Variants in ZNF888 observed in about 807,000 individuals in gnomAD.
ZNF888 encodes zinc finger protein 888.
In ZNF888, 5 loss-of-function variants were observed where a neutral mutation model predicts 7.2. That is an observed-to-expected ratio of 0.70 (90% CI 0.36 to 1.46). The LOEUF (loss-of-function observed/expected upper bound fraction) is 1.46. Ranked by LOEUF, ZNF888 falls within the 40% of genes most tolerant of loss-of-function variation. ZNF888 has a pLI of 0.03. For synonymous variants in ZNF888, 240 were observed against 284.3 expected (o/e 0.84, Z 1.57); for missense variants, 716 against 858.0 (o/e 0.83, Z 2.07).
At position 52,908,113 on chromosome 19, in the gene ZNF888, G is replaced by C; in HGVS notation, c.209C>G (p.Thr70Arg). Residue 70 changes from threonine (T) to arginine (R), a missense_variant, in exon 5 of 5, where the codon ACA (threonine) becomes AGA (arginine). Physicochemically the swap from Thr to Arg is moderately conservative, Grantham distance 71 (BLOSUM62 -1). Around this residue, in one of 2 missense-constraint regions of ZNF888, gnomAD observed 697 missense variants for 803.4 expected, o/e 0.87. Transcript: ENST00000638862. ...IGKGNTEVIH[T>R]GTLQRLASHH... is the part of the protein sequence containing the mutation. ...ACTTGCCAGTCTTTGCAATGTCCCT[G>C]TGTGGATCACTTCTGTATTGCCTTT... The C allele has an allele frequency of 1.2e-6, 2 of 1,614,144 alleles. No individual in the cohort carries two copies. The highest frequency in any genetic ancestry group is 1.7e-6 in the Non-Finnish European group (2 of 1,180,034).
Position 52,915,187 on chromosome 19 carries a change from T to C in ZNF888, c.142+9A>G, listed in dbSNP as rs751311782. On this transcript the variant is annotated intron_variant, in intron 4 of 4. Coordinates refer to ENST00000638862, the MANE Select transcript of ZNF888 (RefSeq NM_001393938.1). ...AAGGGAACATCCCCAGGAAGGAAGT[T>C]ATCCTCACCCAGGGAGACCAGGTTC... 1.3e-6 allele frequency: 2 copies of C among 1,544,382 alleles called. No individual in the cohort carries two copies. Among genetic ancestry groups the C allele is most frequent in the South Asian group, 1.2e-5 (1 of 85,782 alleles).
chr19:52,904,970 T>C lies in ZNF888; in HGVS notation c.*1195A>G, dbSNP rs34036469. ...AAGAAAATTTAAAAACACTTCCATT[T>C]GCTAGAGAACTTAAAGTAAGAAATA... On this transcript the variant is annotated 3_prime_UTR_variant, in exon 5 of 5. Transcript: ENST00000638862. The C allele has an allele frequency of 0.38, 57,547 of 152,548 alleles. 14,106 individuals carry two copies. The highest frequency in any genetic ancestry group is 0.69 in the African/African-American group (28,457 of 41,360). 9.4% of individuals were successfully genotyped at this position (152,548 alleles called of 1,614,324 possible).
intron 4 of ZNF888, among the ~76,000 whole-genome samples, chr19:52,909,542 C>CG (rs1397450252): frequency 3.3e-5 from 5 of 151,948 alleles, no homozygotes; most frequent in Non-Finnish European, 7.4e-5. Context: ...CCACTGCGCC[C>CG]GGGGGCACTT....
chr19:52,910,023 G>A (rs779757085), intron 4 of ZNF888, among the ~76,000 whole-genome samples: 2 of 151,112 alleles, frequency 1.3e-5, no homozygotes, highest in Non-Finnish European at 3.0e-5. Flanking sequence ...TTAGCCGGGC[G>A]TGTAATCCCC....
chr19:52,915,383 A>T, intron 3 of ZNF888, 61 bp from the exon 4 acceptor site: 1 of 1,612,240 alleles, frequency 6.2e-7, no homozygotes. Flanking sequence ...TTTACAGAAA[A>T]TGAGAAGAAG....
intron 1 of ZNF888, chr19:52,921,756 C>T (rs376118188): frequency 2.1e-5 from 10 of 486,064 alleles, no homozygotes; most frequent in African/African-American, 8.4e-5. Flanking sequence ...GGAGGAACCC[C>T]GTTTCTACTG....
rs557705519 is a variant in ZNF888 at position 52,914,722 on chromosome 19, A to C, written c.142+474T>G. On this transcript the variant is annotated intron_variant, in intron 4 of 4. Coordinates refer to ENST00000638862, the MANE Select transcript of ZNF888 (RefSeq NM_001393938.1). ...TGCTCTGCCATCTGGGCTGGAGTGC[A>C]GTGGTGTGTTCTCGGCTCACTAGAA... 5.9e-5 allele frequency among the ~76,000 whole-genome samples: 9 copies of C among 152,284 alleles called. No homozygotes were observed. In the East Asian group the frequency reaches 1.5e-3, roughly 26 times the overall value.
chr19:52,921,457 G>T lies in ZNF888; in HGVS notation c.-178+1912C>A, dbSNP rs192773985. 4.6e-5 allele frequency among the ~76,000 whole-genome samples: 7 copies of T among 152,300 alleles called. No individual in the cohort carries two copies. In the East Asian group the frequency reaches 1.3e-3, roughly 29 times the overall value. On this transcript the variant is annotated intron_variant, in intron 1 of 4. Coordinates refer to ENST00000638862, the MANE Select transcript of ZNF888 (RefSeq NM_001393938.1). ...AGGTCTGAGATGAGTAAGAAGATGT[G>T]CCTGAATTCTTACATGGGGGCCTGG...
intron 4 of ZNF888, among the ~76,000 whole-genome samples, chr19:52,909,742 C>T (rs922638289): frequency 2.0e-5 from 3 of 152,024 alleles, no homozygotes; most frequent in Admixed American, 6.5e-5. Context: ...CTAAACAATT[C>T]CCTCTTAAGA....
intron 3 of ZNF888, among the ~76,000 whole-genome samples, chr19:52,916,307 C>T (rs149550369): frequency 0.015 from 2,318 of 152,188 alleles, 35 homozygotes; most frequent in South Asian, 0.041. Context: ...GACCCCGTCT[C>T]AAAATAAAAT....
Position 52,906,447 on chromosome 19 carries a change from C to A in ZNF888, c.1875G>T (p.Arg625Ser). The A allele has an allele frequency of 6.2e-7, 1 of 1,613,136 alleles. No homozygotes were observed. The stretch of plus-strand genomic sequence containing the variant: ...ATGGTTTCTCTCCAGTATGAACTCT[C>A]CTATGTATTTCAAGGTGTGATTTGA... ...FNIKSHLEIHRRVHTGEKPYK... is the reference protein window; with the variant it reads ...FNIKSHLEIHSRVHTGEKPYK... The change falls in exon 5 of 5, where the codon AGG (arginine) becomes AGT (serine). Residue 625 changes from arginine (R) to serine (S), a missense_variant. By Grantham distance (110) the Arg-to-Ser change is moderately radical (BLOSUM62 -1). This residue lies in a region of ZNF888 where 697 missense variants were observed against 803.4 expected (regional missense o/e 0.87). Coordinates refer to ENST00000638862, the MANE Select transcript of ZNF888 (RefSeq NM_001393938.1).
chr19:52,915,572 T>A (rs2064736300), intron 3 of ZNF888, among the ~76,000 whole-genome samples: 1 of 152,112 alleles, frequency 6.6e-6, no homozygotes, highest in Non-Finnish European at 1.5e-5. Context: ...CCTCACAGGT[T>A]CATGCCATTC....
chr19:52,921,051 G>A (rs1316885623), intron 1 of ZNF888, among the ~76,000 whole-genome samples: 3 of 151,932 alleles, frequency 2.0e-5, no homozygotes, highest in Non-Finnish European at 4.4e-5. Context: ...AACTTCAGAT[G>A]GCAGTGGGAG....
At position 52,907,372 on chromosome 19, in the gene ZNF888, T is replaced by C. The variant is rs2064623150; in HGVS notation, c.950A>G (p.Lys317Arg). 2.4e-5 allele frequency: 39 copies of C among 1,613,482 alleles called. 1 individual carries two copies. The South Asian group carries it at 4.3e-4, about 18-fold the overall frequency. Residue 317 changes from lysine (K) to arginine (R), a missense_variant, in exon 5 of 5, where the codon AAG becomes AGG. By Grantham distance (26) the Lys-to-Arg change is conservative. Coordinates refer to ENST00000638862, the MANE Select transcript of ZNF888 (RefSeq NM_001393938.1). Reference protein sequence around the residue: ...FSDKSALLVHKTIHTGEKPYK... With the variant: ...FSDKSALLVHRTIHTGEKPYK... ...AGGTTTCTCTCCAGTATGAATTGTCTTGTGAACTAAGAGGGCTGACTTGTC... is the reference window on the plus strand; with the variant it reads ...AGGTTTCTCTCCAGTATGAATTGTCCTGTGAACTAAGAGGGCTGACTTGTC...
In ZNF888 at chr19:52,917,905, T is replaced by C; in HGVS notation, c.-32A>G. On this transcript the variant is annotated 5_prime_UTR_variant, in exon 3 of 5. Transcript: ENST00000638862. ...CTCCTTTGCTTTCCTCTTCCTCTTC[T>C]GAGTTTCTTCTTCACATACCCAGAG... 1.2e-6 allele frequency: 2 copies of C among 1,611,132 alleles called. No individual in the cohort carries two copies. The highest frequency in any genetic ancestry group is 1.7e-6 in the Non-Finnish European group (2 of 1,179,990).
At chr19:52,909,011 C>T (rs1456261973) in intron 4 of ZNF888, among the ~76,000 whole-genome samples, 3 of 150,342 alleles carry the variant, frequency 2.0e-5, no homozygotes, top group Admixed American at 6.6e-5. Flanking sequence ...CGGGCGTGGT[C>T]GCGGGAGCCT....
intron 4 of ZNF888, 37 bp from the exon 5 acceptor site, chr19:52,908,216 T>A (rs775414467): frequency 1.9e-6 from 3 of 1,570,484 alleles, no homozygotes; most frequent in Non-Finnish European, 2.6e-6. Flanking sequence ...TCCAATTCAG[T>A]ACAGATAATA....
rs2064814901 is a variant in ZNF888, at chr19:52,920,535, A to C, written c.-177-1598T>G. On this transcript the variant is annotated intron_variant, in intron 1 of 4. Transcript: ENST00000638862. ...AAAAAAAGAAAAAAAAAGAAAAGGA[A>C]AAAAAAAAAAAAAAGGAATTATTTG... Among the ~76,000 whole-genome samples the C allele has an allele frequency of 6.8e-5, 3 of 44,306 alleles. No individual in the cohort carries two copies. In the South Asian group the frequency reaches 3.1e-3, roughly 46 times the overall value. The allele number at this position is 44,306 out of a possible 152,430, so 29.1% of individuals were successfully genotyped here. A position where few individuals can be genotyped will look rare whatever the true frequency, so the allele number is the denominator to read the frequency against.
intron 3 of ZNF888, among the ~76,000 whole-genome samples, chr19:52,915,826 T>C (rs2064739781): frequency 6.6e-6 from 1 of 152,272 alleles, no homozygotes; most frequent in Non-Finnish European, 1.5e-5. Flanking sequence ...ACCCTGTCAG[T>C]ATGAATTTCT....
Sources: allele counts gnomAD v4.1 joint callset (sites outside exome capture counted in the v4.1 genomes callset), GRCh38; gene constraint gnomAD v4.1.1; regional missense constraint gnomAD v4.1.1; transcripts MANE v1.5; gene names NCBI Gene and HGNC (gene_info 2026-07-23, HGNC 2026-07-21).